Variants in EFEMP1 observed in about 807,000 individuals in gnomAD.
EFEMP1 encodes EGF-containing fibulin-like extracellular matrix protein 1.
Under a neutral mutation model 65.7 loss-of-function variants are expected in EFEMP1, and 18 were observed. The ratio of observed to expected loss-of-function variants is 0.27; its 90% confidence interval spans 0.19 to 0.41. The LOEUF (loss-of-function observed/expected upper bound fraction) is 0.41. EFEMP1 is among the 10% of genes least tolerant of loss of function. EFEMP1 has a pLI of 1.00. For missense variants in EFEMP1, 469 were observed against 624.8 expected, an observed-to-expected ratio of 0.75 and a Z score of 2.66; for synonymous variants, 237 against 219.7, an observed-to-expected ratio of 1.08 and a Z score of -0.70.
chr2:55,868,045 T>C (rs1668650306), intron 11 of EFEMP1, among the ~76,000 whole-genome samples: 1 of 152,126 alleles, frequency 6.6e-6, no homozygotes, highest in South Asian at 2.1e-4. Context: ...TGTTATATAC[T>C]CATGAGCAGC....
intron 8 of EFEMP1, among the ~76,000 whole-genome samples, chr2:55,876,029 T>C (rs1342480960): frequency 6.6e-6 from 1 of 152,004 alleles, no homozygotes; most frequent in East Asian, 1.9e-4. Context: ...TTTTGAATTA[T>C]ATAACGAAAT....
intron 5 of EFEMP1, among the ~76,000 whole-genome samples, chr2:55,901,366 TTAAAC>T (rs1180808731): frequency 1.3e-5 from 2 of 152,236 alleles, no homozygotes; most frequent in Admixed American, 6.5e-5. Context: ...GTAAAAGACT[TTAAAC>T]TAGTTTTAAA....
chr2:55,917,675 G>C lies in EFEMP1; in HGVS notation c.507C>G (p.Asn169Lys). 6.2e-7 allele frequency: 1 copy of C among 1,614,198 alleles called. No homozygotes were observed. Among genetic ancestry groups the C allele is most frequent in the Non-Finnish European group, 8.5e-7 (1 of 1,180,022 alleles). The change falls in exon 5 of 12, where the codon AAC becomes AAG. Residue 169 changes from asparagine (N) to lysine (K), a missense_variant. Physicochemically the swap from Asn to Lys is moderately conservative, Grantham distance 94. This residue lies in a region of EFEMP1 where 399 missense variants were observed against 528.2 expected (regional missense o/e 0.76). Transcript: ENST00000355426. This position sits in a 1 kb window ranked among gnomAD's most constrained non-coding sequence, Gnocchi z 6.3. ...CAAGYEQSEHNVCQDIDECTA... is the reference protein window; with the variant it reads ...CAAGYEQSEHKVCQDIDECTA... Reference sequence around the variant, plus strand: ...ATAAGTTATTCCTACCTTGGCACACGTTGTGTTCACTTTGCTCGTAGCCTG... The same window carrying C: ...ATAAGTTATTCCTACCTTGGCACACCTTGTGTTCACTTTGCTCGTAGCCTG...
intron 5 of EFEMP1, among the ~76,000 whole-genome samples, chr2:55,913,102 G>A (rs1175214486): frequency 3.3e-5 from 5 of 152,176 alleles, no homozygotes; most frequent in Non-Finnish European, 7.4e-5. Context: ...TAGTCTCACT[G>A]GACAAGCAAT....
chr2:55,897,163 T>C (rs1434634740), intron 5 of EFEMP1, among the ~76,000 whole-genome samples: 1 of 152,210 alleles, frequency 6.6e-6, no homozygotes, highest in Non-Finnish European at 1.5e-5. Flanking sequence ...CTGAGAACTC[T>C]TTGAGGGTAG....
At chr2:55,890,525 A>G (rs1669592096) in intron 5 of EFEMP1, among the ~76,000 whole-genome samples, 1 of 152,122 alleles carries the variant, frequency 6.6e-6, no homozygotes, top group Admixed American at 6.5e-5. Context: ...CTGAGGGAAC[A>G]TTAAAAGAAA....
In EFEMP1 at chr2:55,907,660, A is replaced by G. The variant is rs998989568; in HGVS notation, c.517+10005T>C. On this transcript the variant is annotated intron_variant, in intron 5 of 11. Coordinates refer to ENST00000355426, the MANE Select transcript of EFEMP1 (RefSeq NM_001039348.3). ...AAATATTTCACAAGGGAAATCTAAC[A>G]TCATCATTGAATAAAAATTCTTCCC... 3.9e-5 allele frequency among the ~76,000 whole-genome samples: 6 copies of G among 152,342 alleles called. No individual in the cohort carries two copies. In the South Asian group the frequency reaches 6.2e-4, roughly 16 times the overall value.
chr2:55,870,721 C>T lies in EFEMP1; in HGVS notation c.1319G>A (p.Arg440Gln), dbSNP rs373990093. 1.5e-5 allele frequency: 24 copies of T among 1,613,366 alleles called. No individual in the cohort carries two copies. The African/African-American group carries it at 1.9e-4, about 13-fold the overall frequency. The change falls in exon 11 of 12, where the codon CGA becomes CAA. Residue 440 changes from arginine to glutamine, a missense_variant and splice_region_variant. By Grantham distance (43) the Arg-to-Gln change is conservative. This residue lies in a region of EFEMP1 where 399 missense variants were observed against 528.2 expected (regional missense o/e 0.76). Coordinates refer to ENST00000355426, the MANE Select transcript of EFEMP1 (RefSeq NM_001039348.3). This position sits in a 1 kb window ranked among gnomAD's most constrained non-coding sequence, Gnocchi z 5.8. ...TAAGGCTGCCTTCAGGATACTTACTCGTAGGTAGAACTCTCCATTTTCATT... is the reference window on the plus strand; with the variant it reads ...TAAGGCTGCCTTCAGGATACTTACTTGTAGGTAGAACTCTCCATTTTCATT... ...SGNENGEFYL[R>Q]QTSPVSAMLV...
chr2:55,895,082 C>G (rs1402946287), intron 5 of EFEMP1, among the ~76,000 whole-genome samples: 1 of 152,258 alleles, frequency 6.6e-6, no homozygotes, highest in Non-Finnish European at 1.5e-5. Flanking sequence ...TCTTGGGCAG[C>G]TTCCCTGGCC....
intron 8 of EFEMP1, 66 bp downstream of exon 8, chr2:55,876,557 A>G: frequency 6.3e-7 from 1 of 1,592,556 alleles, no homozygotes; most frequent in South Asian, 1.1e-5. Context: ...TGGGTACATA[A>G]TCAGATAAAA....
At chr2:55,912,108 G>T (rs1465157741) in intron 5 of EFEMP1, among the ~76,000 whole-genome samples, 1 of 152,066 alleles carries the variant, frequency 6.6e-6, no homozygotes, top group Non-Finnish European at 1.5e-5. Context: ...ATGAAGAACT[G>T]TAAGGAGGCT....
rs1668786537 is a variant in EFEMP1 at position 55,871,008 on chromosome 2, T to C, written c.1116A>G (p.Thr372=). The change falls in exon 10 of 12, where the codon ACA becomes ACG. Residue 372 remains threonine, a synonymous_variant. Transcript: ENST00000355426. The surrounding 1 kb of genome is among the most constrained non-coding windows in gnomAD (Gnocchi z 4.2). ...RNPCQDPYIL[T]PENRCVCPVS... ...GTTCTGATTTTTCTTACTTCTCTGG[T>C]GTTAGAATGTAGGGATCTTGACAAG... 2.5e-6 allele frequency: 4 copies of C among 1,613,724 alleles called. No individual in the cohort carries two copies. Among genetic ancestry groups the C allele is most frequent in the East Asian group, 2.2e-5 (1 of 44,870 alleles).
At chr2:55,904,419 T>C (rs1670164849) in intron 5 of EFEMP1, among the ~76,000 whole-genome samples, 1 of 152,224 alleles carries the variant, frequency 6.6e-6, no homozygotes, top group Non-Finnish European at 1.5e-5. Context: ...GGCTAAGGGA[T>C]GCCTAGATAG....
In EFEMP1 at chr2:55,922,308, T is replaced by G. The variant is rs1670930891; in HGVS notation, c.81+52A>C. The G allele has an allele frequency of 1.9e-6, 3 of 1,573,890 alleles. No homozygotes were observed. In the Admixed American group the frequency reaches 5.0e-5, roughly 26 times the overall value. On this transcript the variant is annotated intron_variant, in intron 3 of 11. Transcript: ENST00000355426. This position sits in a 1 kb window ranked among gnomAD's most constrained non-coding sequence, Gnocchi z 5.5. ...GGCAGGGGTGTGTAAAGTCTTTTTT[T>G]GTCACAGAATCCCGCTGAACCGTAC...
chr2:55,868,793 T>C (rs986373371), intron 11 of EFEMP1, among the ~76,000 whole-genome samples: 3 of 152,148 alleles, frequency 2.0e-5, no homozygotes, highest in Admixed American at 2.0e-4. Flanking sequence ...TAATTCCTCA[T>C]GACACCTAGC....
intron 5 of EFEMP1, among the ~76,000 whole-genome samples, chr2:55,892,124 GTGAGTGTTGCAATTC>G (rs1464686289): frequency 6.6e-6 from 1 of 152,122 alleles, no homozygotes; most frequent in Non-Finnish European, 1.5e-5. Context: ...TTCTGACCCT[GTGAGTGTTGCAATTC>G]TAAAGGCTTC....
chr2:55,877,204 G>C lies in EFEMP1; in HGVS notation c.761-462C>G, dbSNP rs997161088. Among the ~76,000 whole-genome samples the C allele has an allele frequency of 2.0e-5, 3 of 152,116 alleles. No homozygotes were observed. The highest frequency in any genetic ancestry group is 7.2e-5 in the African/African-American group (3 of 41,418). On this transcript the variant is annotated intron_variant, in intron 7 of 11. Transcript: ENST00000355426. The surrounding 1 kb of genome is among the most constrained non-coding windows in gnomAD (Gnocchi z 4.5). ...ATTTATTACTTTTTAAATGGGTTCT[G>C]TTAAATTCCATTACAATTATAACAT...
At chr2:55,881,779 T>C in intron 5 of EFEMP1, 45 bp from the exon 6 acceptor site, 1 of 1,613,536 alleles carries the variant, frequency 6.2e-7, no homozygotes, top group East Asian at 2.2e-5. Context: ...GTTGTGAAGA[T>C]GTTGATATTT....
intron 5 of EFEMP1, among the ~76,000 whole-genome samples, chr2:55,910,015 C>A (rs1383784561): frequency 6.6e-6 from 1 of 152,006 alleles, no homozygotes; most frequent in African/African-American, 2.4e-5. Flanking sequence ...GCCTAGTTAC[C>A]CTGGATGGGA....
Sources: allele counts gnomAD v4.1 joint callset (sites outside exome capture counted in the v4.1 genomes callset), GRCh38; gene constraint gnomAD v4.1.1; regional missense constraint gnomAD v4.1.1; non-coding constraint Gnocchi (gnomAD v3.1); transcripts MANE v1.5; gene names NCBI Gene and HGNC (gene_info 2026-07-23, HGNC 2026-07-21).